Variants in TBC1D16 observed in about 807,000 individuals in gnomAD.
The protein encoded by TBC1D16 is CTD-2529O21.1.
A neutral mutation model predicts 74.7 loss-of-function variants in TBC1D16; 58 were observed. The observed-to-expected ratio is 0.78, with a 90% CI of 0.63 to 0.97. The LOEUF (loss-of-function observed/expected upper bound fraction) is 0.97. Among genes scored for constraint, TBC1D16 ranks in the 50% least tolerant of loss-of-function variants. TBC1D16 has a pLI of 0.00. For missense variants in TBC1D16, 1,014 were observed against 1,079.5 expected, an observed-to-expected ratio of 0.94 and a Z score of 0.85; for synonymous variants, 493 against 474.7, an observed-to-expected ratio of 1.04 and a Z score of -0.50.
At chr17:79,984,575 A>C (rs2034740191) in intron 3 of TBC1D16, among the ~76,000 whole-genome samples, 1 of 148,110 alleles carries the variant, frequency 6.8e-6, no homozygotes, top group Non-Finnish European at 1.5e-5. Flanking sequence ...AGAGAGAGAA[A>C]GAAAGAAAAA....
Position 79,983,272 on chromosome 17 carries a change from C to G in TBC1D16, c.779+26888G>C, listed in dbSNP as rs1370765654. 6.6e-6 allele frequency among the ~76,000 whole-genome samples: 1 copy of G among 152,200 alleles called. No individual in the cohort carries two copies. Among genetic ancestry groups the G allele is most frequent in the Non-Finnish European group, 1.5e-5 (1 of 68,042 alleles). On this transcript the variant is annotated intron_variant, in intron 3 of 11. Coordinates refer to ENST00000310924, the MANE Select transcript of TBC1D16 (RefSeq NM_019020.4). This position sits in a 1 kb window ranked among gnomAD's most constrained non-coding sequence, Gnocchi z 5.6. The stretch of plus-strand genomic sequence containing the variant: ...AATGGCAAGACAGACCATGTAATCT[C>G]AGGGACTCTCAGCTGGCCCCACCCC...
chr17:79,977,388 A>G (rs1027374648), intron 3 of TBC1D16, among the ~76,000 whole-genome samples: 1 of 152,232 alleles, frequency 6.6e-6, no homozygotes, highest in African/African-American at 2.4e-5. Context: ...CCAACGAGGC[A>G]GAGACCACCT....
Position 79,944,995 on chromosome 17 carries a change from G to T in TBC1D16, c.1821C>A (p.Cys607Ter), listed in dbSNP as rs764306746. The T allele has an allele frequency of 6.4e-7, 1 of 1,572,512 alleles. No homozygotes were observed. The highest frequency in any genetic ancestry group is 8.6e-7 in the Non-Finnish European group (1 of 1,159,204). Residue 607 changes from cysteine to a stop codon, truncating the protein, a stop_gained, in exon 10 of 12, where the codon TGC becomes TGA. Coordinates refer to ENST00000310924, the MANE Select transcript of TBC1D16 (RefSeq NM_019020.4). LOFTEE classifies it high-confidence loss of function. This position sits in a 1 kb window ranked among gnomAD's most constrained non-coding sequence, Gnocchi z 7.7. ...LGEDGLQMLF[C>*]HRWLLLCFKR... ...TGAAGCACAGAAGGAGCCAGCGGTG[G>T]CAGAAGAGCATCTGCAGGCCGTCCT...
intron 2 of TBC1D16, among the ~76,000 whole-genome samples, chr17:80,011,207 ATT>A (rs34838808): frequency 2.7e-4 from 35 of 131,568 alleles, no homozygotes; most frequent in African/African-American, 3.1e-4. Flanking sequence ...CACCCAGCTA[ATT>A]TTTTTTTTTT....
chr17:80,006,028 G>T (rs2035661781), intron 3 of TBC1D16, among the ~76,000 whole-genome samples: 1 of 152,054 alleles, frequency 6.6e-6, no homozygotes, highest in South Asian at 2.1e-4. Flanking sequence ...CCCTCCGGGG[G>T]GACTCAACTC....
intron 1 of TBC1D16, among the ~76,000 whole-genome samples, chr17:80,033,219 C>G (rs73437676): frequency 0.057 from 8,739 of 152,202 alleles, 797 homozygotes; most frequent in African/African-American, 0.2. Flanking sequence ...TAAATGGTAA[C>G]TCAGGATGTG....
In TBC1D16 at chr17:79,950,671, T is replaced by C. The variant is rs2032984905; in HGVS notation, c.1090-93A>G. 1.9e-6 allele frequency: 3 copies of C among 1,555,492 alleles called. No individual in the cohort carries two copies. The highest frequency in any genetic ancestry group is 1.3e-5 in the African/African-American group (1 of 74,128). On this transcript the variant is annotated intron_variant, in intron 5 of 11. Coordinates refer to ENST00000310924, the MANE Select transcript of TBC1D16 (RefSeq NM_019020.4). The surrounding 1 kb of genome is among the most constrained non-coding windows in gnomAD (Gnocchi z 4.6). ...TTTCCCAGGAATAAAAGCCTCTCTC[T>C]CTTCTGAAAGGAGGGCAAGGGCCGT... is the stretch of plus-strand genomic sequence containing the variant.
intron 3 of TBC1D16, among the ~76,000 whole-genome samples, chr17:80,005,493 G>A (rs912715810): frequency 1.3e-5 from 2 of 152,298 alleles, no homozygotes; most frequent in Middle Eastern, 3.4e-3. Flanking sequence ...CAGCACACCC[G>A]AGAGCCTTGC....
intron 2 of TBC1D16, among the ~76,000 whole-genome samples, chr17:80,012,986 T>G (rs1413609127): frequency 2.0e-5 from 3 of 152,156 alleles, no homozygotes; most frequent in Non-Finnish European, 4.4e-5. Flanking sequence ...CTTACCCACC[T>G]AAGAGGCCTG....
rs749606761 is a variant in TBC1D16 at position 79,952,681 on chromosome 17, A to G, written c.917T>C (p.Met306Thr). 5 of 1,603,036 alleles carry G rather than the reference A, an allele frequency of 3.1e-6. No individual in the cohort carries two copies. The Admixed American group carries it at 6.7e-5, about 21-fold the overall frequency. ...CGVFRVDLGH[M>T]RSLRLFFSDE... Reference sequence around the variant, plus strand: ...CCTGAAGAAAAGGCGGAGGGAGCGCATGTGGCCCAGGTCCACGCGGAACAC... The same window carrying G: ...CCTGAAGAAAAGGCGGAGGGAGCGCGTGTGGCCCAGGTCCACGCGGAACAC... The change falls in exon 4 of 12, where the codon ATG becomes ACG. Residue 306 changes from methionine (M) to threonine (T), a missense_variant. Physicochemically the swap from Met to Thr is moderately conservative, Grantham distance 81. Coordinates refer to ENST00000310924, the MANE Select transcript of TBC1D16 (RefSeq NM_019020.4).
rs1370771349 is a variant in TBC1D16, at chr17:79,935,248, C to T, written c.*5611G>A. 6.6e-6 allele frequency: 1 copy of T among 152,262 alleles called. No individual in the cohort carries two copies. Among genetic ancestry groups the T allele is most frequent in the African/African-American group, 2.4e-5 (1 of 41,460 alleles). The allele number at this position is 152,262 out of a possible 1,614,324, so 9.4% of individuals were successfully genotyped here. A position where few individuals can be genotyped will look rare whatever the true frequency, so the allele number is the denominator to read the frequency against. On this transcript the variant is annotated 3_prime_UTR_variant, in exon 12 of 12. Coordinates refer to ENST00000310924, the MANE Select transcript of TBC1D16 (RefSeq NM_019020.4). ...ACCGGCCCTTTCCCGAGTGAGACCC[C>T]GCGAGCACTCGTCAATTCTCCCATC...
chr17:79,966,323 T>G (rs924718816), intron 3 of TBC1D16, among the ~76,000 whole-genome samples: 8 of 152,168 alleles, frequency 5.3e-5, no homozygotes, highest in African/African-American at 1.9e-4. Flanking sequence ...CAAGTAAGAT[T>G]GCAATCTGAG....
rs933496681 is a variant in TBC1D16 at position 80,007,610 on chromosome 17, G to A, written c.779+2550C>T. Among the ~76,000 whole-genome samples, 3 of 152,202 alleles carry A rather than the reference G, an allele frequency of 2.0e-5. No individual in the cohort carries two copies. Among genetic ancestry groups the A allele is most frequent in the Non-Finnish European group, 4.4e-5 (3 of 68,048 alleles). On this transcript the variant is annotated intron_variant, in intron 3 of 11. Coordinates refer to ENST00000310924, the MANE Select transcript of TBC1D16 (RefSeq NM_019020.4). This position sits in a 1 kb window ranked among gnomAD's most constrained non-coding sequence, Gnocchi z 4.5. ...GGCCCTCCTCAGCCCAGGGTTCGGG[G>A]GAATAGAGAAGCCTCCCCCAAAAGC...
Position 79,950,877 on chromosome 17 carries a change from C to T in TBC1D16, c.1090-299G>A. On this transcript the variant is annotated intron_variant, in intron 5 of 11. Coordinates refer to ENST00000310924, the MANE Select transcript of TBC1D16 (RefSeq NM_019020.4). This position sits in a 1 kb window ranked among gnomAD's most constrained non-coding sequence, Gnocchi z 4.6. ...ATGAATGCCTCGTTCGGCCTAACTT[C>T]CCTCTGCCGGGAGGGCCTGCAATGA... is the stretch of plus-strand genomic sequence containing the variant. 1 of 1,506,788 alleles carries T rather than the reference C, an allele frequency of 6.6e-7. No homozygotes were observed. The highest frequency in any genetic ancestry group is 1.2e-5 in the South Asian group (1 of 80,172). The allele number at this position is 1,506,788 out of a possible 1,614,324, so 93.3% of individuals were successfully genotyped here.
At chr17:80,002,894 C>T (rs1420396360) in intron 3 of TBC1D16, among the ~76,000 whole-genome samples, 2 of 152,216 alleles carry the variant, frequency 1.3e-5, no homozygotes, top group African/African-American at 4.8e-5. Context: ...AGGAAGCACC[C>T]GGGAACGGTG....
At chr17:79,991,705 G>C (rs2035066310) in intron 3 of TBC1D16, among the ~76,000 whole-genome samples, 2 of 149,690 alleles carry the variant, frequency 1.3e-5, no homozygotes, top group African/African-American at 2.4e-5. Flanking sequence ...GGTGGGGGTG[G>C]GGCGGGGCGG....
chr17:80,003,200 G>A (rs868362537), intron 3 of TBC1D16, among the ~76,000 whole-genome samples: 8 of 152,224 alleles, frequency 5.3e-5, no homozygotes, highest in African/African-American at 1.2e-4. Flanking sequence ...CTGTGGCCGC[G>A]CCAACCCGCT....
chr17:80,031,676 C>T (rs982041241), intron 1 of TBC1D16, among the ~76,000 whole-genome samples: 2 of 152,168 alleles, frequency 1.3e-5, no homozygotes, highest in African/African-American at 4.8e-5. Context: ...TGTAAAATCC[C>T]ATTTCCCCCG....
rs2082327887 is a variant in TBC1D16 at position 79,951,309 on chromosome 17, C to T, written c.1089+141G>A. 1.1e-5 allele frequency: 11 copies of T among 1,020,244 alleles called. No individual in the cohort carries two copies. In the East Asian group the frequency reaches 1.5e-4, roughly 14 times the overall value. 63.2% of individuals were successfully genotyped at this position (1,020,244 alleles called of 1,614,324 possible). A position where few individuals can be genotyped will look rare whatever the true frequency, so the allele number is the denominator to read the frequency against. On this transcript the variant is annotated intron_variant, in intron 5 of 11. Coordinates refer to ENST00000310924, the MANE Select transcript of TBC1D16 (RefSeq NM_019020.4). ...TTCAAACCCAAAGTTGCTGCTCTGA[C>T]GGCCAAAAACTACCGTGGGTCACAC...
Sources: allele counts gnomAD v4.1 joint callset (sites outside exome capture counted in the v4.1 genomes callset), GRCh38; gene constraint gnomAD v4.1.1; non-coding constraint Gnocchi (gnomAD v3.1); transcripts MANE v1.5; gene names NCBI Gene and HGNC (gene_info 2026-07-23, HGNC 2026-07-21).